Variants in GEMIN5 observed in about 807,000 individuals in gnomAD.
GEMIN5 encodes gem nuclear organelle associated protein 5, also known as gem-associated protein 5.
In GEMIN5, 124 loss-of-function variants were observed where a neutral mutation model predicts 176.9. The ratio of observed to expected loss-of-function variants is 0.70; its 90% CI spans 0.61 to 0.81. The LOEUF (loss-of-function observed/expected upper bound fraction) is 0.81, where lower values mean the gene tolerates loss of function less well. Ranked by LOEUF, GEMIN5 falls within the 40% of genes least tolerant of loss-of-function variation. The pLI is 0.00. For synonymous variants in GEMIN5, 673 were observed against 665.2 expected (o/e 1.01, Z -0.18); for missense variants, 1,843 against 1,814.6 (o/e 1.02, Z -0.28).
At position 154,927,367 on chromosome 5, in the gene GEMIN5, GA is replaced by G; in HGVS notation, c.1080+17del. 1 of 1,532,208 alleles carries G rather than the reference GA, an allele frequency of 6.5e-7. No individual in the cohort carries two copies. The highest frequency in any genetic ancestry group is 9.0e-7 in the Non-Finnish European group (1 of 1,107,828). The allele number at this position is 1,532,208 out of a possible 1,614,324, so 94.9% of individuals were successfully genotyped here. A position where few individuals can be genotyped will look rare whatever the true frequency, so the allele number is the denominator to read the frequency against. On this transcript the variant is annotated intron_variant, in intron 7 of 27. Coordinates refer to ENST00000285873, the MANE Select transcript of GEMIN5 (RefSeq NM_015465.5). ...AAACTGCTGCTCTACAATGCTGAGT[GA>G]AAATAAGCATTCTTACATCTCTATC... is the stretch of plus-strand genomic sequence containing the variant.
In GEMIN5 at chr5:154,899,070, C is replaced by A. The variant is rs541182866; in HGVS notation, c.3134+121G>T. The A allele has an allele frequency of 2.5e-4, 240 of 957,704 alleles. 2 individuals carry two copies. The South Asian group carries it at 4.3e-3, about 17-fold the overall frequency. The allele number at this position is 957,704 out of a possible 1,614,324, so 59.3% of individuals were successfully genotyped here. The stretch of plus-strand genomic sequence containing the variant: ...ATGAAACTAAGTTGAATATACATAT[C>A]TTTTAAATAATTCCTTGCTGCTTTA... On this transcript the variant is annotated intron_variant, in intron 22 of 27. Transcript: ENST00000285873.
intron 18 of GEMIN5, among the ~76,000 whole-genome samples, 193 bp downstream of exon 18, chr5:154,904,314 T>C (rs546462568): frequency 2.6e-5 from 4 of 151,982 alleles, no homozygotes; most frequent in Admixed American, 6.6e-5. Context: ...GTGCTGACGG[T>C]GGGTCACAAT....
Position 154,907,645 on chromosome 5 carries a change from C to G in GEMIN5, c.2341G>C (p.Glu781Gln), listed in dbSNP as rs753851937. The part of the protein sequence containing the change: ...GPVENGVSDQ[E>Q]GEEQAREPEL... Reference sequence around the variant, plus strand: ...GGCTCCCGTGCTTGCTCCTCCCCTTCTTGGTCTGACACACCATTCTCAACA... The same window carrying G: ...GGCTCCCGTGCTTGCTCCTCCCCTTGTTGGTCTGACACACCATTCTCAACA... The change falls in exon 16 of 28, where the codon GAA becomes CAA. Residue 781 changes from glutamate (E) to glutamine (Q), a missense_variant. Glu to Gln is a conservative substitution (Grantham distance 29). Coordinates refer to ENST00000285873, the MANE Select transcript of GEMIN5 (RefSeq NM_015465.5). The G allele has an allele frequency of 1.9e-6, 3 of 1,614,142 alleles. No individual in the cohort carries two copies. The highest frequency in any genetic ancestry group is 8.5e-7 in the Non-Finnish European group (1 of 1,180,018).
chr5:154,893,666 G>A lies in GEMIN5; in HGVS notation c.3598-1117C>T, dbSNP rs1037740572. ...TGTCACTTTAATTTTTTCTTTTCTA[G>A]AATTCATATAAATGGAACCACAGAG... On this transcript the variant is annotated intron_variant, in intron 24 of 27. Transcript: ENST00000285873. Among the ~76,000 whole-genome samples, 9 of 152,126 alleles carry A rather than the reference G, an allele frequency of 5.9e-5. 1 individual carries two copies.
intron 16 of GEMIN5, among the ~76,000 whole-genome samples, chr5:154,906,284 C>T (rs1310972673): frequency 2.0e-5 from 3 of 152,196 alleles, no homozygotes; most frequent in Admixed American, 6.5e-5. Context: ...GCATGAACCA[C>T]CATGCCCGCC....
chr5:154,896,086 G>T lies in GEMIN5; in HGVS notation c.3597+6C>A. On this transcript the variant is annotated splice_donor_region_variant and intron_variant, in intron 24 of 27. Coordinates refer to ENST00000285873, the MANE Select transcript of GEMIN5 (RefSeq NM_015465.5). Reference sequence around the variant, plus strand: ...TTAATGTCAAATGCTGGTACAGATGGCTTACCTGTTTGGCAGGTGTGTTAT... The same window carrying T: ...TTAATGTCAAATGCTGGTACAGATGTCTTACCTGTTTGGCAGGTGTGTTAT... 2.5e-6 allele frequency: 4 copies of T among 1,612,758 alleles called. No individual in the cohort carries two copies. The highest frequency in any genetic ancestry group is 3.4e-6 in the Non-Finnish European group (4 of 1,179,506).
intron 6 of GEMIN5, among the ~76,000 whole-genome samples, 164 bp from the exon 7 acceptor site, chr5:154,927,714 G>A (rs562649341): frequency 7.9e-5 from 12 of 152,228 alleles, no homozygotes; most frequent in Non-Finnish European, 1.8e-4. Context: ...TGGGAAGGCT[G>A]GGTGCAGTAG....
chr5:154,891,794 A>C (rs934857274), intron 25 of GEMIN5, 52 bp from the exon 26 acceptor site: 2 of 1,507,306 alleles, frequency 1.3e-6, no homozygotes, highest in Admixed American at 4.5e-5. Context: ...AGTTGCCAGA[A>C]ATGTGGCTTC....
At chr5:154,930,876 C>T (rs1459454596) in intron 5 of GEMIN5, among the ~76,000 whole-genome samples, 1 of 151,994 alleles carries the variant, frequency 6.6e-6, no homozygotes, top group African/African-American at 2.4e-5. Flanking sequence ...GAGAAGCCCG[C>T]TAGAAAGAGA....
At chr5:154,936,999 T>C (rs766229504) in intron 2 of GEMIN5, 26 bp downstream of exon 2, 21 of 1,590,474 alleles carry the variant, frequency 1.3e-5, no homozygotes, top group Non-Finnish European at 1.7e-5. Context: ...ATAAAAACGG[T>C]TTGAGAAACC....
At position 154,937,160 on chromosome 5, in the gene GEMIN5, G is replaced by A. The variant is rs1222068550; in HGVS notation, c.192C>T (p.Thr64=). 3 of 1,612,562 alleles carry A rather than the reference G, an allele frequency of 1.9e-6. No homozygotes were observed. The highest frequency in any genetic ancestry group is 2.5e-6 in the Non-Finnish European group (3 of 1,178,936). ...AAAATGTGAAGCCAGAGACCCTTTC[G>A]GTGTGTCCCACCAACTCTCCTATGA... The part of the protein sequence containing the change: ...FRVIGELVGH[T]ERVSGFTFSH... The change falls in exon 2 of 28, where the codon ACC becomes ACT. Residue 64 remains threonine, a synonymous_variant. Transcript: ENST00000285873.
chr5:154,901,527 A>G, intron 20 of GEMIN5, 41 bp from the exon 21 acceptor site: 2 of 1,602,530 alleles, frequency 1.2e-6, no homozygotes, highest in Non-Finnish European at 1.7e-6. Context: ...ACAGTTGAAG[A>G]AAAAGTAAAA....
chr5:154,903,846 A>T (rs1763517309), intron 18 of GEMIN5, among the ~76,000 whole-genome samples: 4 of 151,794 alleles, frequency 2.6e-5, no homozygotes, highest in Admixed American at 2.6e-4. Context: ...TTTTTTTTTT[A>T]AATAGAGAGA....
chr5:154,920,262 T>C (rs1444955908), intron 10 of GEMIN5, among the ~76,000 whole-genome samples, 159 bp from the exon 11 acceptor site: 3 of 152,234 alleles, frequency 2.0e-5, no homozygotes, highest in African/African-American at 7.2e-5. Flanking sequence ...TCTTTCCACC[T>C]GAACACAGTT....
In GEMIN5 at chr5:154,903,247, C is replaced by T. The variant is rs1348497461; in HGVS notation, c.2633-72G>A. On this transcript the variant is annotated intron_variant, in intron 18 of 27. Transcript: ENST00000285873. ...ATTACAGTTTTCTCTCCAATAACTT[C>T]CGAATATATGTTTGGAACACCCACT... 7 of 993,810 alleles carry T rather than the reference C, an allele frequency of 7.0e-6. No individual in the cohort carries two copies. The Admixed American group carries it at 1.2e-4, about 18-fold the overall frequency. 61.6% of individuals were successfully genotyped at this position (993,810 alleles called of 1,614,324 possible).
At chr5:154,931,374 C>T (rs1764157355) in intron 5 of GEMIN5, 84 bp downstream of exon 5, 3 of 1,356,712 alleles carry the variant, frequency 2.2e-6, no homozygotes, top group Non-Finnish European at 1.0e-6. Flanking sequence ...ATAGATGACA[C>T]ACCCTCAGGA....
chr5:154,888,124 G>C lies in GEMIN5; in HGVS notation c.*86C>G, dbSNP rs1283917125. ...TTACTGCAAAAACATCTAGGGACCA[G>C]AGTGAATGTCTGGTGAGGCATAACT... On this transcript the variant is annotated 3_prime_UTR_variant, in exon 28 of 28. Transcript: ENST00000285873. The C allele has an allele frequency of 1.6e-6, 2 of 1,244,734 alleles. No homozygotes were observed. Among genetic ancestry groups the C allele is most frequent in the Non-Finnish European group, 2.4e-6 (2 of 850,976 alleles). 77.1% of individuals were successfully genotyped at this position (1,244,734 alleles called of 1,614,324 possible). A position where few individuals can be genotyped will look rare whatever the true frequency, so the allele number is the denominator to read the frequency against.
chr5:154,905,390 T>C lies in GEMIN5; in HGVS notation c.2482A>G (p.Lys828Glu). ...VTINNKVILLKKEPPKEKPET... is the reference protein window; with the variant it reads ...VTINNKVILLEKEPPKEKPET... ...GGCTTCTCTTTTGGTGGCTCCTTTTTCAGTAAAATGACTTTGTTATTAATG... is the reference window on the plus strand; with the variant it reads ...GGCTTCTCTTTTGGTGGCTCCTTTTCCAGTAAAATGACTTTGTTATTAATG... Residue 828 changes from lysine to glutamate, a missense_variant, in exon 17 of 28, where the codon AAA becomes GAA. By Grantham distance (56) the Lys-to-Glu change is moderately conservative. Coordinates refer to ENST00000285873, the MANE Select transcript of GEMIN5 (RefSeq NM_015465.5). 1.2e-6 allele frequency: 2 copies of C among 1,603,994 alleles called. No homozygotes were observed. Among genetic ancestry groups the C allele is most frequent in the South Asian group, 2.2e-5 (2 of 89,592 alleles).
At chr5:154,934,038 T>TA (rs901074465) in intron 3 of GEMIN5, among the ~76,000 whole-genome samples, 25 of 152,088 alleles carry the variant, frequency 1.6e-4, no homozygotes, top group African/African-American at 5.6e-4. Context: ...TTTTTTGAGA[T>TA]AGAGTCTTGC....
Sources: gnomAD v4.1 joint callset for allele counts (sites outside exome capture counted in the v4.1 genomes callset) on GRCh38, gnomAD v4.1.1 for gene constraint, MANE v1.5 for transcripts, NCBI Gene and HGNC (gene_info 2026-07-23, HGNC 2026-07-21) for gene names.